Variants in FANCA observed in about 807,000 individuals in gnomAD.
FANCA encodes the protein FA complementation group A, also known as Fanconi anemia group A protein.
Under a neutral mutation model 194.3 loss-of-function variants are expected in FANCA, and 236 were observed. The observed-to-expected ratio is 1.21, with a 90% confidence interval of 1.09 to 1.35. The LOEUF is 1.35. Among genes scored for constraint, FANCA ranks in the 40% most tolerant of loss-of-function variants. The pLI is 0.00. For missense variants in FANCA, 2,628 were observed against 1,813.9 expected (o/e 1.45, Z -8.15); for synonymous variants, 1,014 against 715.8 (o/e 1.42, Z -6.65).
intron 19 of FANCA, 38 bp from the exon 20 acceptor site, chr16:89,778,888 G>T (rs781380764): frequency 6.8e-6 from 11 of 1,607,702 alleles, no homozygotes; most frequent in Non-Finnish European, 7.6e-6. Flanking sequence ...GACTGACAAG[G>T]AAAGTCCTTG....
At position 89,738,586 on chromosome 16, in the gene FANCA, C is replaced by A. The variant is rs1267579056; in HGVS notation, c.*15G>T. 6.2e-7 allele frequency: 1 copy of A among 1,612,828 alleles called. No individual in the cohort carries two copies. The highest frequency in any genetic ancestry group is 8.5e-7 in the Non-Finnish European group (1 of 1,179,984). On this transcript the variant is annotated 3_prime_UTR_variant, in exon 43 of 43. Transcript: ENST00000389301. ...TTTACACGGGAGCTGGGCTGGTGTGCAGTGGCAGGTCCCGTCAGAAGAGAT... is the reference window on the plus strand; with the variant it reads ...TTTACACGGGAGCTGGGCTGGTGTGAAGTGGCAGGTCCCGTCAGAAGAGAT...
At chr16:89,808,848 G>A (rs2040764869) in intron 5 of FANCA, among the ~76,000 whole-genome samples, 1 of 151,424 alleles carries the variant, frequency 6.6e-6, no homozygotes, top group South Asian at 2.1e-4. Context: ...TGAACACTGT[G>A]CCTGTCACAC....
At chr16:89,791,652 A>T in intron 13 of FANCA, 116 bp from the exon 14 acceptor site, 1 of 1,408,976 alleles carries the variant, frequency 7.1e-7, no homozygotes, top group Non-Finnish European at 9.8e-7. Context: ...CCCAAACACC[A>T]AGTTTTAAAA....
At chr16:89,791,362 G>A in intron 14 of FANCA, 41 bp downstream of exon 14, 2 of 1,609,288 alleles carry the variant, frequency 1.2e-6, no homozygotes, top group Non-Finnish European at 1.7e-6. Context: ...AGGCCTTCTG[G>A]GAAGATCAGG....
chr16:89,765,127 G>A, intron 27 of FANCA, 61 bp from the exon 28 acceptor site: 1 of 1,586,222 alleles, frequency 6.3e-7, no homozygotes, highest in Admixed American at 1.7e-5. Context: ...GAGTGGCTGA[G>A]CAAATGCTCA....
chr16:89,777,887 T>C (rs557362058), intron 20 of FANCA, among the ~76,000 whole-genome samples: 3 of 149,704 alleles, frequency 2.0e-5, no homozygotes, highest in Admixed American at 1.3e-4. Context: ...TGCAGCCGGG[T>C]GCGGTAGCTC....
intron 10 of FANCA, among the ~76,000 whole-genome samples, chr16:89,797,644 G>A (rs926204486): frequency 2.6e-5 from 4 of 152,330 alleles, no homozygotes; most frequent in Non-Finnish European, 5.9e-5. Flanking sequence ...TTGGGAGGCT[G>A]AGGTGGGTGT....
intron 36 of FANCA, 86 bp from the exon 37 acceptor site, chr16:89,743,024 C>T: frequency 2.0e-6 from 3 of 1,480,750 alleles, no homozygotes; most frequent in Non-Finnish European, 2.8e-6. Flanking sequence ...CCACCTGTCA[C>T]CTTTGGGGCC....
chr16:89,778,158 T>A (rs1255639390), intron 20 of FANCA, among the ~76,000 whole-genome samples: 11 of 75,272 alleles, frequency 1.5e-4, no homozygotes, highest in East Asian at 4.8e-4. Flanking sequence ...TGAGACTTCA[T>A]CTCAAAAAAA....
In FANCA at chr16:89,770,223, C is replaced by A; in HGVS notation, c.2259G>T (p.Met753Ile). The A allele has an allele frequency of 6.3e-7, 1 of 1,591,338 alleles. No individual in the cohort carries two copies. Among genetic ancestry groups the A allele is most frequent in the Non-Finnish European group, 8.6e-7 (1 of 1,169,406 alleles). Residue 753 changes from methionine to isoleucine, a missense_variant, in exon 25 of 43, where the codon ATG becomes ATT. Coordinates refer to ENST00000389301, the MANE Select transcript of FANCA (RefSeq NM_000135.4). ...GCACTGCAGGGAGCACACGTCCACA[C>A]ATGGTCCTCACGAAGAGGGCAGCCC... ...GPWAALFVRT[M>I]CGRVLPAVLT...
chr16:89,769,562 T>A, intron 26 of FANCA: 1 of 474,886 alleles, frequency 2.1e-6, no homozygotes, highest in Non-Finnish European at 3.8e-6. Context: ...CACCAGGACA[T>A]CAAAGAATGC....
Position 89,805,944 on chromosome 16 carries a change from C to T in FANCA, c.597-552G>A, listed in dbSNP as rs975474597. ...TTTTTTTTCTCTTGAAACAGTTTTGCTCTTGTCATCCAGGCTGGAGTGCAA... is the reference window on the plus strand; with the variant it reads ...TTTTTTTTCTCTTGAAACAGTTTTGTTCTTGTCATCCAGGCTGGAGTGCAA... On this transcript the variant is annotated intron_variant, in intron 6 of 42. Coordinates refer to ENST00000389301, the MANE Select transcript of FANCA (RefSeq NM_000135.4). Among the ~76,000 whole-genome samples, 2 of 150,554 alleles carry T rather than the reference C, an allele frequency of 1.3e-5. 1 individual carries two copies. Among genetic ancestry groups the T allele is most frequent in the African/African-American group, 4.9e-5 (2 of 40,976 alleles).
In FANCA at chr16:89,739,505, G is replaced by A. The variant is rs587778320; in HGVS notation, c.3983C>T (p.Thr1328Ile). 1.9e-6 allele frequency: 3 copies of A among 1,551,446 alleles called. No individual in the cohort carries two copies. The highest frequency in any genetic ancestry group is 2.6e-6 in the Non-Finnish European group (3 of 1,147,178). The change falls in exon 40 of 43, where the codon ACC becomes ATC. Residue 1328 changes from threonine to isoleucine, a missense_variant. By Grantham distance (89) the Thr-to-Ile change is moderately conservative. Transcript: ENST00000389301. Reference protein sequence around the residue: ...LLLRVAPDQHTRLLPFAFYSL... With the variant: ...LLLRVAPDQHIRLLPFAFYSL... ...GTAAAAAGCGAAAGGCAGCAGCCTG[G>A]TGTGCTGATCCGGGGCCACACGGAG...
At chr16:89,762,148 T>C (rs2038973809) in intron 28 of FANCA, 126 bp from the exon 29 acceptor site, 1 of 781,924 alleles carries the variant, frequency 1.3e-6, no homozygotes, top group Non-Finnish European at 2.3e-6. Flanking sequence ...ATAATGAAAT[T>C]GCAGCTGAGA....
intron 6 of FANCA, 116 bp downstream of exon 6, chr16:89,808,178 T>C: frequency 2.1e-6 from 2 of 943,786 alleles, no homozygotes; most frequent in South Asian, 1.3e-5. Context: ...TCTAGTCTAG[T>C]ACAAATTATA....
chr16:89,752,328 C>T (rs2038624949), intron 30 of FANCA, 106 bp from the exon 31 acceptor site: 7 of 892,900 alleles, frequency 7.8e-6, no homozygotes, highest in South Asian at 6.5e-5. Flanking sequence ...GCTTCTCTGA[C>T]AGTGTGACCC....
At chr16:89,796,150 T>C in intron 10 of FANCA, 132 bp from the exon 11 acceptor site, 1 of 730,910 alleles carries the variant, frequency 1.4e-6, no homozygotes, top group Non-Finnish European at 2.4e-6. Flanking sequence ...GCCAGGCCAC[T>C]ATAACCACAG....
At chr16:89,747,814 C>T (rs934529395) in intron 33 of FANCA, among the ~76,000 whole-genome samples, 3 of 152,186 alleles carry the variant, frequency 2.0e-5, no homozygotes, top group Non-Finnish European at 4.4e-5. Context: ...AAAAGGCCTT[C>T]GGGAGCAGAA....
At chr16:89,741,413 T>C (rs747902533) in intron 37 of FANCA, among the ~76,000 whole-genome samples, 3 of 152,250 alleles carry the variant, frequency 2.0e-5, no homozygotes, top group Non-Finnish European at 4.4e-5. Context: ...TGGGCGCTGC[T>C]GTCGATCCAG....
Sources: allele counts gnomAD v4.1 joint callset (sites outside exome capture counted in the v4.1 genomes callset), GRCh38; gene constraint gnomAD v4.1.1; transcripts MANE v1.5; gene names NCBI Gene and HGNC (gene_info 2026-07-23, HGNC 2026-07-21).